TTC27: variants seen among roughly 807,000 people sequenced by gnomAD.
TTC27 encodes tetratricopeptide repeat protein 27.
A neutral mutation model predicts 115.9 loss-of-function variants in TTC27; 79 were observed. The ratio of observed to expected loss-of-function variants is 0.68; its 90% CI spans 0.57 to 0.82. The LOEUF is 0.82. Ranked by LOEUF, TTC27 falls within the 40% of genes least tolerant of loss-of-function variation. The probability of loss-of-function intolerance (pLI) is 0.00; values close to 1 mark genes in which losing one functional copy is unlikely to be tolerated. For synonymous variants in TTC27, 401 were observed against 356.0 expected, an observed-to-expected ratio of 1.13 and a Z score of -1.42; for missense variants, 1,054 against 993.1, an observed-to-expected ratio of 1.06 and a Z score of -0.82.
At chr2:32,793,891 AAC>A (rs1366196532) in intron 16 of TTC27, among the ~76,000 whole-genome samples, 1 of 152,180 alleles carries the variant, frequency 6.6e-6, no homozygotes, top group Non-Finnish European at 1.5e-5. Context: ...ACATTAAAAA[AAC>A]AGTTATTAGT....
chr2:32,710,987 G>A (rs749450796), intron 10 of TTC27, among the ~76,000 whole-genome samples: 5 of 151,374 alleles, frequency 3.3e-5, no homozygotes, highest in Middle Eastern at 3.4e-3. Flanking sequence ...CATGGTGGTG[G>A]GTGCCTGTAA....
chr2:32,760,903 C>T (rs1386559203), intron 13 of TTC27, among the ~76,000 whole-genome samples: 1 of 152,190 alleles, frequency 6.6e-6, no homozygotes, highest in East Asian at 1.9e-4. Flanking sequence ...GGCTCCCTTG[C>T]TGGTTCCTAG....
At chr2:32,636,498 C>T (rs1048573859) in intron 3 of TTC27, among the ~76,000 whole-genome samples, 11 of 152,200 alleles carry the variant, frequency 7.2e-5, no homozygotes, top group African/African-American at 2.4e-4. Context: ...ATGGTGTGAG[C>T]CACTGCGCCT....
intron 11 of TTC27, among the ~76,000 whole-genome samples, chr2:32,735,757 T>C (rs1395577316): frequency 6.6e-6 from 1 of 152,146 alleles, no homozygotes; most frequent in Non-Finnish European, 1.5e-5. Context: ...CCAAGATTTA[T>C]TCCAGCTCTC....
intron 5 of TTC27, among the ~76,000 whole-genome samples, chr2:32,662,980 G>A (rs1665609639): frequency 6.6e-6 from 1 of 152,052 alleles, no homozygotes; most frequent in African/African-American, 2.4e-5. Context: ...TACACTGTGT[G>A]GGGAAAACCA....
intron 12 of TTC27, among the ~76,000 whole-genome samples, chr2:32,755,307 G>A (rs1326648249): frequency 6.6e-6 from 1 of 152,226 alleles, no homozygotes; most frequent in Non-Finnish European, 1.5e-5. Flanking sequence ...AGCACTGAGT[G>A]AATGAGACTC....
intron 18 of TTC27, among the ~76,000 whole-genome samples, chr2:32,814,490 T>C (rs1330573195): frequency 6.6e-6 from 1 of 152,194 alleles, no homozygotes; most frequent in Non-Finnish European, 1.5e-5. Flanking sequence ...TGTACCTTAG[T>C]GCAGAAAGAA....
At position 32,666,656 on chromosome 2, in the gene TTC27, G is replaced by A. The variant is rs879728796; in HGVS notation, c.827G>A (p.Arg276Gln). 65 of 1,613,530 alleles carry A rather than the reference G, an allele frequency of 4.0e-5. No homozygotes were observed. Among genetic ancestry groups the A allele is most frequent in the Non-Finnish European group, 5.5e-5 (65 of 1,179,860 alleles). ...DLTGALGKRT[R>Q]FQENYVAQLI... is the part of the protein sequence containing the mutation. ...TCAGGTGCTTTGGGAAAAAGAACAC[G>A]GTTCCAGGAAAATTATGTGGCACAA... is the stretch of plus-strand genomic sequence containing the variant. Residue 276 changes from arginine to glutamine, a missense_variant, in exon 7 of 20, where the codon CGG becomes CAG. Arg to Gln is a conservative substitution (Grantham distance 43). Coordinates refer to ENST00000317907, the MANE Select transcript of TTC27 (RefSeq NM_017735.5).
At chr2:32,753,519 CCTCTGCCTCCCA>C (rs1452151327) in intron 12 of TTC27, among the ~76,000 whole-genome samples, 2 of 135,226 alleles carry the variant, frequency 1.5e-5, no homozygotes, top group Non-Finnish European at 3.1e-5. Context: ...GTCACTGCAA[CCTCTGCCTCCCA>C]CTCTGCCTCC....
At chr2:32,671,990 A>G (rs902865534) in intron 7 of TTC27, among the ~76,000 whole-genome samples, 5 of 152,226 alleles carry the variant, frequency 3.3e-5, no homozygotes, top group Non-Finnish European at 1.5e-5. Context: ...AAATGTATAT[A>G]AAATTATCTG....
intron 5 of TTC27, 105 bp from the exon 6 acceptor site, chr2:32,664,198 C>T (rs1308566684): frequency 1.3e-5 from 13 of 976,436 alleles, no homozygotes; most frequent in Admixed American, 5.6e-5. Context: ...TATTTAACAA[C>T]AGAGACTATG....
chr2:32,747,291 A>G (rs565297316), intron 12 of TTC27, among the ~76,000 whole-genome samples: 3 of 152,298 alleles, frequency 2.0e-5, no homozygotes, highest in East Asian at 3.9e-4. Flanking sequence ...TTGACTTACA[A>G]TGGGGTTACC....
chr2:32,741,255 C>T (rs772444225), intron 12 of TTC27, among the ~76,000 whole-genome samples: 1 of 152,194 alleles, frequency 6.6e-6, no homozygotes, highest in Non-Finnish European at 1.5e-5. Flanking sequence ...GTACCATCCA[C>T]CTGTGTACTC....
intron 12 of TTC27, among the ~76,000 whole-genome samples, chr2:32,754,762 C>A (rs1669146236): frequency 6.7e-6 from 1 of 150,138 alleles, no homozygotes; most frequent in South Asian, 2.1e-4. Context: ...GGGTGGCTGG[C>A]CGGGCGGGGG....
At chr2:32,702,292 C>T (rs181358571) in intron 9 of TTC27, among the ~76,000 whole-genome samples, 79 of 151,886 alleles carry the variant, frequency 5.2e-4, no homozygotes, top group African/African-American at 1.5e-3. Flanking sequence ...AAATGATCAC[C>T]GAGACAATAT....
intron 8 of TTC27, among the ~76,000 whole-genome samples, chr2:32,677,169 T>C (rs1666240140): frequency 6.6e-6 from 1 of 152,218 alleles, no homozygotes; most frequent in Non-Finnish European, 1.5e-5. Context: ...TGTGATTTGC[T>C]TGTTTTCTCT....
chr2:32,666,408 T>G (rs1345533127), intron 6 of TTC27, among the ~76,000 whole-genome samples: 1 of 151,692 alleles, frequency 6.6e-6, no homozygotes, highest in Non-Finnish European at 1.5e-5. Context: ...AAAATTAGTA[T>G]GTGGACTGTA....
chr2:32,655,072 T>G (rs1488171502), intron 5 of TTC27, among the ~76,000 whole-genome samples: 1 of 151,524 alleles, frequency 6.6e-6, no homozygotes, highest in East Asian at 1.9e-4. Context: ...CAACTCAACC[T>G]CTGCCTCCTG....
chr2:32,702,441 T>C (rs960211832), intron 9 of TTC27, among the ~76,000 whole-genome samples: 1 of 152,202 alleles, frequency 6.6e-6, no homozygotes, highest in Non-Finnish European at 1.5e-5. Flanking sequence ...TGTGATCATA[T>C]TGGATGATTT....
Sources: gnomAD v4.1 joint callset for allele counts (sites outside exome capture counted in the v4.1 genomes callset) on GRCh38, gnomAD v4.1.1 for gene constraint, MANE v1.5 for transcripts, NCBI Gene and HGNC (gene_info 2026-07-23, HGNC 2026-07-21) for gene names.